TBX6: variants seen among roughly 807,000 people sequenced by gnomAD.
TBX6 encodes T-box transcription factor 6.
In TBX6, 29 loss-of-function variants were observed where a neutral mutation model predicts 42.3. The observed-to-expected ratio is 0.69, with a 90% CI of 0.51 to 0.93. The LOEUF is 0.93. TBX6 is among the 40% of genes least tolerant of loss of function. TBX6 has a pLI of 0.00. For synonymous variants in TBX6, 249 were observed against 245.1 expected (o/e 1.02, Z -0.15); for missense variants, 569 against 603.3 (o/e 0.94, Z 0.59).
rs764874094 is a variant in TBX6, at chr16:30,088,669, A to G, written c.768+24T>C. 26 of 1,613,596 alleles carry G rather than the reference A, an allele frequency of 1.6e-5. No homozygotes were observed. The highest frequency in any genetic ancestry group is 1.4e-5 in the Non-Finnish European group (16 of 1,179,898). On this transcript the variant is annotated intron_variant, in intron 5 of 8. Transcript: ENST00000395224. The surrounding 1 kb of genome is among the most constrained non-coding windows in gnomAD (Gnocchi z 4.1). ...ACTGCGGTCTGGGCAGGGGGCCACC[A>G]CCCCCTCAAGCAGGGTCACTCACCT...
intron 1 of TBX6, 32 bp from the exon 2 acceptor site, chr16:30,091,273 C>G (rs2072720544): frequency 8.8e-7 from 1 of 1,138,040 alleles, no homozygotes; most frequent in South Asian, 1.6e-5. Context: ...GCTCACAGCT[C>G]AGCCCCTTCC....
chr16:30,086,215 C>T lies in TBX6; in HGVS notation c.*10G>A, dbSNP rs754426047. On this transcript the variant is annotated 3_prime_UTR_variant, in exon 9 of 9. Coordinates refer to ENST00000395224, the MANE Select transcript of TBX6 (RefSeq NM_004608.4). The surrounding 1 kb of genome is among the most constrained non-coding windows in gnomAD (Gnocchi z 4.6). The stretch of plus-strand genomic sequence containing the variant: ...GGTTTGTGATGGAGGCAGAGGGGCC[C>T]AGCAGTGGTTCAGTACATGGGTTTG... The T allele has an allele frequency of 2.5e-6, 4 of 1,610,232 alleles. No individual in the cohort carries two copies. The highest frequency in any genetic ancestry group is 3.4e-6 in the Non-Finnish European group (4 of 1,179,096).
Position 30,086,457 on chromosome 16 carries a change from T to C in TBX6, c.1098-19A>G. Reference sequence around the variant, plus strand: ...GGGGCTCCTGACATGGAGAGAGGGATGTCAGAGCAGGGCAGAGGGACCCGC... The same window carrying C: ...GGGGCTCCTGACATGGAGAGAGGGACGTCAGAGCAGGGCAGAGGGACCCGC... On this transcript the variant is annotated intron_variant, in intron 8 of 8. Coordinates refer to ENST00000395224, the MANE Select transcript of TBX6 (RefSeq NM_004608.4). The surrounding 1 kb of genome is among the most constrained non-coding windows in gnomAD (Gnocchi z 4.6). 4 of 1,495,786 alleles carry C rather than the reference T, an allele frequency of 2.7e-6. No individual in the cohort carries two copies. Among genetic ancestry groups the C allele is most frequent in the Non-Finnish European group, 3.6e-6 (4 of 1,126,244 alleles). The allele number at this position is 1,495,786 out of a possible 1,614,324, so 92.7% of individuals were successfully genotyped here.
chr16:30,085,901 C>T lies in TBX6; in HGVS notation c.*324G>A, dbSNP rs1036397929. ...TGTGTGTGGGGGGGTGGGGATTGAG[C>T]CCCTCCAGAGCCCATGGGGAGGCCT... On this transcript the variant is annotated 3_prime_UTR_variant, in exon 9 of 9. Coordinates refer to ENST00000395224, the MANE Select transcript of TBX6 (RefSeq NM_004608.4). The T allele has an allele frequency of 8.2e-6, 3 of 367,936 alleles. No homozygotes were observed. Among genetic ancestry groups the T allele is most frequent in the Non-Finnish European group, 1.5e-5 (3 of 202,360 alleles). The allele number at this position is 367,936 out of a possible 1,614,324, so 22.8% of individuals were successfully genotyped here. A position where few individuals can be genotyped will look rare whatever the true frequency, so the allele number is the denominator to read the frequency against.
rs147485102 is a variant in TBX6 at position 30,089,081 on chromosome 16, G to A, written c.483C>T (p.Ser161=). The change falls in exon 4 of 9, where the codon AGC becomes AGT. Residue 161 remains serine, a synonymous_variant. Transcript: ENST00000395224. Reference sequence around the variant, plus strand: ...CAGGCAGGCGGGGCTCTGCCTTGCCGCTGGGCTCCCAGCGCCGGCCCTGCC... The same window carrying A: ...CAGGCAGGCGGGGCTCTGCCTTGCCACTGGGCTCCCAGCGCCGGCCCTGCC... ...YRWQGRRWEP[S]GKAEPRLPDR... is the part of the protein sequence containing the mutation. The A allele has an allele frequency of 1.8e-3, 2,920 of 1,613,832 alleles. 9 individuals carry two copies. Among genetic ancestry groups the A allele is most frequent in the Non-Finnish European group, 2.2e-3 (2,573 of 1,179,988 alleles).
At chr16:30,087,038 G>A (rs759752642) in intron 6 of TBX6, among the ~76,000 whole-genome samples, 187 bp from the exon 7 acceptor site, 47 of 152,226 alleles carry the variant, frequency 3.1e-4, no homozygotes, top group Non-Finnish European at 2.8e-4. Flanking sequence ...GGCAGAGCTG[G>A]AATTTTGTCC....
At position 30,086,837 on chromosome 16, in the gene TBX6, C is replaced by CAGG. The variant is rs1237538169; in HGVS notation, c.853_854insCCT (p.Arg285delinsProCys). The CAGG allele has an allele frequency of 1.2e-6, 2 of 1,612,618 alleles. No individual in the cohort carries two copies. Among genetic ancestry groups the CAGG allele is most frequent in the Non-Finnish European group, 1.7e-6 (2 of 1,179,532 alleles). ...TGGGCCCCGCAGTTTCCTCTTCACA[C>CAGG]GGGCGTCTCGCTCCCTGGGGAACAG... On this transcript the variant is annotated protein_altering_variant, in exon 7 of 9. Transcript: ENST00000395224. This position sits in a 1 kb window ranked among gnomAD's most constrained non-coding sequence, Gnocchi z 4.6.
intron 3 of TBX6, 109 bp downstream of exon 3, chr16:30,090,649 G>T: frequency 1.8e-6 from 2 of 1,127,532 alleles, no homozygotes; most frequent in Non-Finnish European, 2.5e-6. Context: ...TCTAGGCCTA[G>T]GCAGAGCTCT....
Position 30,090,923 on chromosome 16 carries a change from T to A in TBX6, c.188A>T (p.His63Leu), listed in dbSNP as rs758088986. The A allele has an allele frequency of 1.9e-6, 3 of 1,611,896 alleles. No individual in the cohort carries two copies. The South Asian group carries it at 3.3e-5, about 18-fold the overall frequency. The change falls in exon 3 of 9, where the codon CAC (histidine) becomes CTC (leucine). Residue 63 changes from histidine to leucine, a missense_variant. Around this residue, in one of 3 missense-constraint regions of TBX6, gnomAD observed 134 missense variants for 125.3 expected, o/e 1.07. Coordinates refer to ENST00000395224, the MANE Select transcript of TBX6 (RefSeq NM_004608.4). ...MEAAPRTLAA[H>L]PPLPLLPPAM... ...AGGGGGCAGAAGGGGCAGAGGTGGG[T>A]GCGCGGCCAGGGTGCGGGGAGCAGC...
intron 3 of TBX6, 48 bp from the exon 4 acceptor site, chr16:30,089,258 G>C: frequency 6.3e-7 from 1 of 1,581,076 alleles, no homozygotes; most frequent in Non-Finnish European, 8.6e-7. Flanking sequence ...CCACTGGCCA[G>C]GGGTGGGCCC....
At chr16:30,087,354 C>T (rs2072652456) in intron 6 of TBX6, among the ~76,000 whole-genome samples, 1 of 152,156 alleles carries the variant, frequency 6.6e-6, no homozygotes, top group Non-Finnish European at 1.5e-5. Flanking sequence ...TCTCAGCCTC[C>T]GAAAGTGCTG....
rs1457766846 is a variant in TBX6, at chr16:30,086,647, T to C, written c.962A>G (p.Glu321Gly). ...CDSTLGGDIR[E>G]SDPEQAPAPG... ...GGCTGGGGCCTGTTCTGGATCTGAT[T>C]CACGAATGTCTCCACCCAGGGTGGA... Residue 321 changes from glutamate to glycine, a missense_variant, in exon 8 of 9, where the codon GAA becomes GGA. By Grantham distance (98) the Glu-to-Gly change is moderately conservative. Transcript: ENST00000395224. The surrounding 1 kb of genome is among the most constrained non-coding windows in gnomAD (Gnocchi z 4.6). 6.2e-6 allele frequency: 10 copies of C among 1,608,606 alleles called. No individual in the cohort carries two copies. The highest frequency in any genetic ancestry group is 1.1e-5 in the South Asian group (1 of 90,684).
In TBX6 at chr16:30,091,001, C is replaced by T. The variant is rs542730617; in HGVS notation, c.119-9G>A. On this transcript the variant is annotated splice_polypyrimidine_tract_variant and intron_variant, in intron 2 of 8. Transcript: ENST00000395224. ...TTTAGGGGTGTCCAGTTCTGGAAGC[C>T]GGGGAAGAATGAGGAGCCAGCCGAG... The T allele has an allele frequency of 5.5e-5, 89 of 1,609,818 alleles. 1 individual carries two copies. The South Asian group carries it at 9.3e-4, about 17-fold the overall frequency.
At chr16:30,089,242 A>T in intron 3 of TBX6, 32 bp from the exon 4 acceptor site, 2 of 1,595,406 alleles carry the variant, frequency 1.3e-6, no homozygotes, top group Non-Finnish European at 1.7e-6. Context: ...AGAGGCCTGG[A>T]GCTACCCACT....
chr16:30,091,171 T>C lies in TBX6; in HGVS notation c.23A>G (p.Tyr8Cys). 6.3e-7 allele frequency: 1 copy of C among 1,589,888 alleles called. No individual in the cohort carries two copies. Among genetic ancestry groups the C allele is most frequent in the East Asian group, 2.3e-5 (1 of 44,318 alleles). Residue 8 changes from tyrosine to cysteine, a missense_variant, in exon 2 of 9, where the codon TAC (tyrosine) becomes TGC (cysteine). Around this residue, in one of 3 missense-constraint regions of TBX6, gnomAD observed 134 missense variants for 125.3 expected, o/e 1.07. Coordinates refer to ENST00000395224, the MANE Select transcript of TBX6 (RefSeq NM_004608.4). MYHPREL[Y>C]PSLGAGYRLG... The stretch of plus-strand genomic sequence containing the variant: ...GCGGTAGCCGGCCCCCAGGGACGGG[T>C]ACAATTCTCGTGGATGGTACATGTT...
Position 30,088,998 on chromosome 16 carries a change from G to A in TBX6, c.566C>T (p.Pro189Leu), listed in dbSNP as rs1477718432. 3 of 1,613,750 alleles carry A rather than the reference G, an allele frequency of 1.9e-6. No homozygotes were observed. In the East Asian group the frequency reaches 6.7e-5, roughly 36 times the overall value. ...GAGCTTGACACGATGGAAAGACACAGGCTGCCGCATCCAATGTGCACCAGT... is the reference window on the plus strand; with the variant it reads ...GAGCTTGACACGATGGAAAGACACAAGCTGCCGCATCCAATGTGCACCAGT... ...PATGAHWMRQ[P>L]VSFHRVKLTN... is the part of the protein sequence containing the mutation. Residue 189 changes from proline (P) to leucine (L), a missense_variant, in exon 4 of 9, where the codon CCT (proline) becomes CTT (leucine). This residue lies in a region of TBX6 where 190 missense variants were observed against 250.6 expected (regional missense o/e 0.76). Transcript: ENST00000395224. This position sits in a 1 kb window ranked among gnomAD's most constrained non-coding sequence, Gnocchi z 4.1.
chr16:30,086,764 G>A lies in TBX6; in HGVS notation c.913+14C>T, dbSNP rs376420865. ...TCTCAGGCCTGGCCCCATCGCCATC[G>A]GGACTACACTCACCTCCGCTCCCAT... On this transcript the variant is annotated intron_variant, in intron 7 of 8. Transcript: ENST00000395224. This position sits in a 1 kb window ranked among gnomAD's most constrained non-coding sequence, Gnocchi z 4.6. The A allele has an allele frequency of 1.4e-5, 22 of 1,613,732 alleles. No homozygotes were observed. Among genetic ancestry groups the A allele is most frequent in the Non-Finnish European group, 1.5e-5 (18 of 1,179,918 alleles).
intron 3 of TBX6, among the ~76,000 whole-genome samples, chr16:30,090,210 A>G (rs958462840): frequency 6.6e-6 from 1 of 152,144 alleles, no homozygotes; most frequent in Non-Finnish European, 1.5e-5. Context: ...TGCTTTAGAA[A>G]AAATATACCC....
chr16:30,086,564 A>T lies in TBX6; in HGVS notation c.1045T>A (p.Tyr349Asn). 6.5e-7 allele frequency: 1 copy of T among 1,540,530 alleles called. No homozygotes were observed. Among genetic ancestry groups the T allele is most frequent in the African/African-American group, 1.4e-5 (1 of 71,948 alleles). Residue 349 changes from tyrosine to asparagine, a missense_variant, in exon 8 of 9, where the codon TAC becomes AAC. Tyr to Asn is a moderately radical substitution (Grantham distance 143, BLOSUM62 -2). Around this residue, in one of 3 missense-constraint regions of TBX6, gnomAD observed 245 missense variants for 227.4 expected, o/e 1.08. Transcript: ENST00000395224. The surrounding 1 kb of genome is among the most constrained non-coding windows in gnomAD (Gnocchi z 4.6). ...PLCGGPSAEA[Y>N]LLHPAAFHGA... Reference sequence around the variant, plus strand: ...TGGAAAGCCGCAGGGTGCAGGAGGTAGGCCTCAGCACTGGGGCCACCACAC... The same window carrying T: ...TGGAAAGCCGCAGGGTGCAGGAGGTTGGCCTCAGCACTGGGGCCACCACAC...
Sources: gnomAD v4.1 joint callset for allele counts (sites outside exome capture counted in the v4.1 genomes callset) on GRCh38, gnomAD v4.1.1 for gene constraint, gnomAD v4.1.1 regional missense constraint, Gnocchi (gnomAD v3.1) non-coding constraint, MANE v1.5 for transcripts, NCBI Gene and HGNC (gene_info 2026-07-23, HGNC 2026-07-21) for gene names.